The following LARGE1 variants were observed in gnomAD, a reference collection of about 807,000 sequenced individuals.
LARGE1 encodes xylosyl- and glucuronyltransferase LARGE1.
Under a neutral mutation model 87.6 loss-of-function variants are expected in LARGE1, and 43 were observed. The ratio of observed to expected loss-of-function variants is 0.49; its 90% CI spans 0.38 to 0.63. LARGE1 has a LOEUF of 0.63. LARGE1 is among the 30% of genes least tolerant of loss of function. The pLI, the probability that LARGE1 is intolerant of heterozygous loss-of-function variation, is 0.00. For synonymous variants in LARGE1, 434 were observed against 394.6 expected (o/e 1.10, Z -1.18); for missense variants, 802 against 1,000.2 (o/e 0.80, Z 2.67).
intron 10 of LARGE1, among the ~76,000 whole-genome samples, chr22:33,336,269 C>T (rs1417995932): frequency 3.9e-5 from 6 of 152,118 alleles, no homozygotes; most frequent in African/African-American, 7.2e-5. Flanking sequence ...GGCATGATCT[C>T]GGCTCACTGT....
chr22:33,893,824 A>T (rs1313594412), intron 1 of LARGE1, among the ~76,000 whole-genome samples: 1 of 152,214 alleles, frequency 6.6e-6, no homozygotes, highest in African/African-American at 2.4e-5. Context: ...TTTAACCATG[A>T]ACTCTAAGCA....
intron 7 of LARGE1, among the ~76,000 whole-genome samples, chr22:33,399,623 A>G (rs770081124): frequency 1.4e-4 from 21 of 152,002 alleles, no homozygotes; most frequent in Non-Finnish European, 2.5e-4. Context: ...ATCTCGGCTC[A>G]CTGCAAGCTC....
At chr22:33,709,235 C>A (rs904464218) in intron 2 of LARGE1, among the ~76,000 whole-genome samples, 10 of 152,108 alleles carry the variant, frequency 6.6e-5, no homozygotes, top group African/African-American at 2.2e-4. Context: ...AGAAGCCACC[C>A]CGCTCATCTG....
At position 33,631,161 on chromosome 22, in the gene LARGE1, ATT is replaced by A. The variant is rs376379301; in HGVS notation, c.409-4837_409-4836del. The stretch of plus-strand genomic sequence containing the variant: ...AGCCACTGCGCCCAGCCAACTGTCT[ATT>A]TTTTTTTTTAAGAGATGGGGTCTTG... On this transcript the variant is annotated intron_variant, in intron 3 of 14. Coordinates refer to ENST00000397394, the MANE Select transcript of LARGE1 (RefSeq NM_133642.5). 1.0e-3 allele frequency among the ~76,000 whole-genome samples: 151 copies of A among 148,154 alleles called. No homozygotes were observed. In the Middle Eastern group the frequency reaches 0.011, roughly 11 times the overall value.
At chr22:33,916,061 T>C (rs2065777643) in intron 1 of LARGE1, among the ~76,000 whole-genome samples, 1 of 152,042 alleles carries the variant, frequency 6.6e-6, no homozygotes, top group Non-Finnish European at 1.5e-5. Flanking sequence ...GACAGGTGGA[T>C]CACAAGGTCA....
chr22:33,326,982 C>T (rs1937298329), intron 10 of LARGE1, among the ~76,000 whole-genome samples: 1 of 152,166 alleles, frequency 6.6e-6, no homozygotes, highest in African/African-American at 2.4e-5. Flanking sequence ...CCTTGAGCAG[C>T]CTAGCCTGTC....
intron 12 of LARGE1, among the ~76,000 whole-genome samples, chr22:33,292,085 C>T (rs1483291461): frequency 6.6e-6 from 1 of 152,082 alleles, no homozygotes; most frequent in Non-Finnish European, 1.5e-5. Context: ...CAGAGTGAGA[C>T]TCTGTCTCAA....
chr22:33,454,395 G>A (rs1471907183), intron 6 of LARGE1, among the ~76,000 whole-genome samples: 1 of 151,884 alleles, frequency 6.6e-6, no homozygotes, highest in East Asian at 1.9e-4. Flanking sequence ...TGAGGCGGGT[G>A]GATCACGAGG....
At chr22:33,408,962 G>C (rs900554708) in intron 7 of LARGE1, among the ~76,000 whole-genome samples, 4 of 152,184 alleles carry the variant, frequency 2.6e-5, no homozygotes, top group Non-Finnish European at 2.9e-5. Flanking sequence ...CCTTGCTAGA[G>C]GTGAGTCTGT....
At chr22:33,423,086 T>C (rs1352118080) in intron 7 of LARGE1, among the ~76,000 whole-genome samples, 1 of 152,022 alleles carries the variant, frequency 6.6e-6, no homozygotes, top group African/African-American at 2.4e-5. Flanking sequence ...TCCTGTTATC[T>C]GATACTTTAC....
At chr22:33,627,290 T>A (rs752533939) in intron 3 of LARGE1, among the ~76,000 whole-genome samples, 1 of 152,182 alleles carries the variant, frequency 6.6e-6, no homozygotes, top group Non-Finnish European at 1.5e-5. Context: ...AAAGCACCAC[T>A]CTAGGGCATC....
intron 6 of LARGE1, among the ~76,000 whole-genome samples, chr22:33,544,101 G>A (rs11913729): frequency 0.069 from 10,526 of 152,252 alleles, 476 homozygotes; most frequent in African/African-American, 0.12. Flanking sequence ...TTGTCACAAC[G>A]TATTGTTGGG....
chr22:33,884,790 A>T (rs2064797792), intron 1 of LARGE1, among the ~76,000 whole-genome samples: 1 of 152,066 alleles, frequency 6.6e-6, no homozygotes, highest in Non-Finnish European at 1.5e-5. Flanking sequence ...GACAGGAGCA[A>T]CCCTAGGTTT....
chr22:33,566,637 C>CTT (rs1346390179), intron 5 of LARGE1, among the ~76,000 whole-genome samples: 13 of 152,162 alleles, frequency 8.5e-5, no homozygotes, highest in African/African-American at 3.1e-4. Flanking sequence ...GAAGGGAAGC[C>CTT]GAGAGGGATG....
At chr22:33,877,548 C>T (rs1349525597) in intron 1 of LARGE1, among the ~76,000 whole-genome samples, 1 of 152,006 alleles carries the variant, frequency 6.6e-6, no homozygotes, top group African/African-American at 2.4e-5. Context: ...TCTTAGAATT[C>T]TGGAAGGATG....
intron 1 of LARGE1, among the ~76,000 whole-genome samples, chr22:33,854,636 G>A (rs1220873339): frequency 2.0e-5 from 3 of 151,330 alleles, no homozygotes; most frequent in African/African-American, 7.3e-5. Context: ...TACAAAAGCA[G>A]AGTACATCAT....
intron 2 of LARGE1, among the ~76,000 whole-genome samples, chr22:33,734,787 G>A (rs2083596904): frequency 6.6e-6 from 1 of 152,070 alleles, no homozygotes; most frequent in East Asian, 1.9e-4. Context: ...GTTTAAACTG[G>A]GAGAGTCGGT....
chr22:33,753,835 G>A (rs930248916), intron 2 of LARGE1, among the ~76,000 whole-genome samples: 6 of 152,210 alleles, frequency 3.9e-5, no homozygotes, highest in Non-Finnish European at 7.4e-5. Context: ...CAAGGTGGGC[G>A]GGTCACCTGA....
the LARGE1 span, among the ~76,000 whole-genome samples, chr22:33,143,244 G>A: frequency 1.3e-5 from 2 of 152,010 alleles, no homozygotes; most frequent in African/African-American, 2.4e-5. Context: ...ATCAAAGGTT[G>A]GTGAACATAA....
Sources: gnomAD v4.1 joint callset for allele counts (sites outside exome capture counted in the v4.1 genomes callset) on GRCh38, gnomAD v4.1.1 for gene constraint, MANE v1.5 for transcripts, NCBI Gene and HGNC (gene_info 2026-07-23, HGNC 2026-07-21) for gene names.